The following LRRC7 variants were observed in gnomAD, a reference collection of about 807,000 sequenced individuals.
LRRC7 encodes leucine-rich repeat-containing protein 7.
Under a neutral mutation model 175.7 loss-of-function variants are expected in LRRC7, and 23 were observed. That is an observed-to-expected ratio of 0.13 (90% CI 0.09 to 0.19). The LOEUF (loss-of-function observed/expected upper bound fraction) is 0.19. Among genes scored for constraint, LRRC7 ranks in the 10% least tolerant of loss-of-function variants. The probability of loss-of-function intolerance (pLI) is 1.00; values close to 1 mark genes in which losing one functional copy is unlikely to be tolerated. For synonymous variants in LRRC7, 685 were observed against 680.9 expected (o/e 1.01, Z -0.09); for missense variants, 1,354 against 1,904.7 (o/e 0.71, Z 5.38).
rs542658569 is a variant in LRRC7, at chr1:70,062,849, T to C, written c.4230+9704T>C. 3.0e-3 allele frequency among the ~76,000 whole-genome samples: 463 copies of C among 151,966 alleles called. 3 individuals are homozygous for C. Among genetic ancestry groups the C allele is most frequent in the Non-Finnish European group, 4.6e-3 (314 of 67,784 alleles). On this transcript the variant is annotated intron_variant, in intron 23 of 26. Coordinates refer to ENST00000651989, the MANE Select transcript of LRRC7 (RefSeq NM_001370785.2). The stretch of plus-strand genomic sequence containing the variant: ...TAGGTGTTTTTAAAGCTTACTCTAT[T>C]TCTATTGTTATTAGATTTGTTCTCA...
intron 2 of LRRC7, among the ~76,000 whole-genome samples, chr1:69,709,151 T>C (rs1277336964): frequency 1.3e-5 from 2 of 152,234 alleles, no homozygotes; most frequent in Non-Finnish European, 2.9e-5. Flanking sequence ...GAATAGACTA[T>C]GCAGTGGTAA....
At chr1:70,018,210 T>A (rs1332388206) in intron 14 of LRRC7, among the ~76,000 whole-genome samples, 1 of 152,214 alleles carries the variant, frequency 6.6e-6, no homozygotes, top group East Asian at 1.9e-4. Context: ...TATTATGATA[T>A]ATCAGGTACA....
At chr1:69,871,468 A>G (rs533420605) in intron 7 of LRRC7, among the ~76,000 whole-genome samples, 7 of 152,062 alleles carry the variant, frequency 4.6e-5, no homozygotes, top group African/African-American at 9.7e-5. Flanking sequence ...CGAATGCATA[A>G]TTATATTCAG....
intron 26 of LRRC7, among the ~76,000 whole-genome samples, chr1:70,117,639 C>A (rs1262571700): frequency 6.6e-6 from 1 of 152,134 alleles, no homozygotes; most frequent in African/African-American, 2.4e-5. Context: ...AATGTTCCTT[C>A]ATACTTTCAA....
chr1:69,726,998 G>C (rs949839877), intron 2 of LRRC7, among the ~76,000 whole-genome samples: 2 of 152,104 alleles, frequency 1.3e-5, no homozygotes, highest in Non-Finnish European at 2.9e-5. Context: ...GGGTGGTTCT[G>C]GGTAGAGAGA....
chr1:70,012,861 G>A (rs1656636620), intron 12 of LRRC7, 113 bp from the exon 13 acceptor site: 8 of 456,820 alleles, frequency 1.8e-5, no homozygotes, highest in Admixed American at 8.6e-5. Flanking sequence ...CAATGCACAT[G>A]TTAAAAGTTA....
rs981772895 is a variant in LRRC7, at chr1:70,102,606, C to G, written c.4546-5146C>G. On this transcript the variant is annotated intron_variant, in intron 25 of 26. Transcript: ENST00000651989. ...TCTCAAACTCCTGGGCTCAAGCAATCTGCCTACTGCAGCCTTCCAAAGTGC... is the reference window on the plus strand; with the variant it reads ...TCTCAAACTCCTGGGCTCAAGCAATGTGCCTACTGCAGCCTTCCAAAGTGC... 3.3e-5 allele frequency among the ~76,000 whole-genome samples: 5 copies of G among 152,228 alleles called. No homozygotes were observed. The East Asian group carries it at 9.7e-4, about 29-fold the overall frequency.
intron 1 of LRRC7, among the ~76,000 whole-genome samples, chr1:69,631,802 T>TCAA (rs1652546710): frequency 6.6e-6 from 1 of 152,156 alleles, no homozygotes; most frequent in Non-Finnish European, 1.5e-5. Flanking sequence ...TCTAGCTGGC[T>TCAA]GCTTGATAAA....
chr1:69,626,384 TA>T (rs10546011), intron 1 of LRRC7, among the ~76,000 whole-genome samples: 34,381 of 130,016 alleles, frequency 0.26, 4,484 homozygotes, highest in Admixed American at 0.31. Flanking sequence ...ACTTAGAATC[TA>T]AAAAAAAAAA....
rs540796178 is a variant in LRRC7 at position 69,613,487 on chromosome 1, A to T, written c.2+44846A>T. 3.9e-5 allele frequency among the ~76,000 whole-genome samples: 6 copies of T among 152,110 alleles called. No homozygotes were observed. The South Asian group carries it at 1.0e-3, about 26-fold the overall frequency. The stretch of plus-strand genomic sequence containing the variant: ...TTATCCTTTGATTTTCACCTCAAAT[A>T]TCATGTATGAGGTGCCTCTCAAATG... On this transcript the variant is annotated intron_variant, in intron 1 of 26. Transcript: ENST00000651989.
At chr1:70,042,785 T>C (rs1335660715) in intron 21 of LRRC7, among the ~76,000 whole-genome samples, 1 of 152,166 alleles carries the variant, frequency 6.6e-6, no homozygotes, top group African/African-American at 2.4e-5. Context: ...ATGGAAAATC[T>C]CTATATGAAA....
At chr1:69,942,008 CCTT>C (rs1176605407) in intron 8 of LRRC7, among the ~76,000 whole-genome samples, 4 of 152,066 alleles carry the variant, frequency 2.6e-5, no homozygotes, top group Non-Finnish European at 4.4e-5. Flanking sequence ...ACATTCTAAA[CCTT>C]CTTTTTCCTC....
At chr1:70,098,068 A>G (rs1165401107) in intron 25 of LRRC7, among the ~76,000 whole-genome samples, 1 of 151,962 alleles carries the variant, frequency 6.6e-6, no homozygotes. Context: ...ACTAGTTTAC[A>G]GTCCCACCAA....
At chr1:69,692,041 T>C in intron 2 of LRRC7, among the ~76,000 whole-genome samples, 1 of 152,154 alleles carries the variant, frequency 6.6e-6, no homozygotes, top group Non-Finnish European at 1.5e-5. Flanking sequence ...ACAGTTGGGA[T>C]TTTTGGCAAC....
chr1:69,677,574 C>T (rs1048576455), intron 1 of LRRC7, among the ~76,000 whole-genome samples: 1 of 151,984 alleles, frequency 6.6e-6, no homozygotes, highest in African/African-American at 2.4e-5. Flanking sequence ...ATGCCAACAT[C>T]TATTGTATTT....
chr1:69,630,460 A>T (rs906203813), intron 1 of LRRC7, among the ~76,000 whole-genome samples: 2 of 152,144 alleles, frequency 1.3e-5, no homozygotes, highest in African/African-American at 2.4e-5. Context: ...TTGCCAGCCC[A>T]TCTACAGTCC....
At chr1:69,957,378 T>C (rs760264932) in intron 8 of LRRC7, among the ~76,000 whole-genome samples, 18 of 151,898 alleles carry the variant, frequency 1.2e-4, no homozygotes, top group Non-Finnish European at 2.7e-4. Context: ...GGTACTGACA[T>C]AAAAAGCAGA....
chr1:70,035,701 T>A (rs1659243768), intron 18 of LRRC7, among the ~76,000 whole-genome samples: 1 of 151,848 alleles, frequency 6.6e-6, no homozygotes. Context: ...GTTAACCACT[T>A]AGAACAATTA....
chr1:70,011,789 C>CT lies in LRRC7; in HGVS notation c.1005-4dup. 1 of 1,551,168 alleles carries CT rather than the reference C, an allele frequency of 6.4e-7. No homozygotes were observed. Among genetic ancestry groups the CT allele is most frequent in the Non-Finnish European group, 8.9e-7 (1 of 1,126,088 alleles). The stretch of plus-strand genomic sequence containing the variant: ...TAAAATGTCTAACTAATGTATTTAA[C>CT]TTTTCAGTTTATCTTTATTAGAAGA... On this transcript the variant is annotated splice_polypyrimidine_tract_variant and splice_region_variant and intron_variant, in intron 11 of 26. Transcript: ENST00000651989.
Sources: allele counts gnomAD v4.1 joint callset (sites outside exome capture counted in the v4.1 genomes callset), GRCh38; gene constraint gnomAD v4.1.1; transcripts MANE v1.5; gene names NCBI Gene and HGNC (gene_info 2026-07-23, HGNC 2026-07-21).